Variants in ATP8A2 observed in about 807,000 individuals in gnomAD.
ATP8A2 encodes ATPase phospholipid transporting 8A2, also known as phospholipid-transporting ATPase IB.
In ATP8A2, 100 loss-of-function variants were observed where a neutral mutation model predicts 165.6. That is an observed-to-expected ratio of 0.60 (90% confidence interval 0.51 to 0.71). ATP8A2 has a LOEUF of 0.71. ATP8A2 is among the 30% of genes least tolerant of loss of function. ATP8A2 has a pLI of 0.00. For synonymous variants in ATP8A2, 543 were observed against 548.8 expected (o/e 0.99, Z 0.15); for missense variants, 1,227 against 1,479.5 (o/e 0.83, Z 2.80).
At chr13:25,637,894 C>G (rs1282942272) in intron 24 of ATP8A2, among the ~76,000 whole-genome samples, 2 of 152,134 alleles carry the variant, frequency 1.3e-5, no homozygotes, top group Non-Finnish European at 2.9e-5. Flanking sequence ...GGCCGGGTAC[C>G]CCTCTGAGAC....
chr13:25,757,304 A>C (rs1277767336), intron 25 of ATP8A2, among the ~76,000 whole-genome samples: 1 of 152,180 alleles, frequency 6.6e-6, no homozygotes, highest in East Asian at 1.9e-4. Context: ...CAGTGGACAC[A>C]CGCGTGCTTT....
intron 27 of ATP8A2, among the ~76,000 whole-genome samples, chr13:25,817,662 TC>T (rs1166143283): frequency 6.6e-6 from 1 of 152,056 alleles, no homozygotes; most frequent in Admixed American, 6.6e-5. Flanking sequence ...AAAATTCCAG[TC>T]CTTTTATTCT....
At chr13:25,871,092 C>A in intron 33 of ATP8A2, 1 of 263,930 alleles carries the variant, frequency 3.8e-6, no homozygotes, top group Admixed American at 5.4e-5. Context: ...TTAGAGGCCC[C>A]GCGGCTTTGA....
At chr13:25,729,043 C>T (rs2043557508) in intron 25 of ATP8A2, among the ~76,000 whole-genome samples, 1 of 152,106 alleles carries the variant, frequency 6.6e-6, no homozygotes, top group Non-Finnish European at 1.5e-5. Flanking sequence ...GTCTCTTTCT[C>T]TCCACCTCTC....
rs757980633 is a variant in ATP8A2 at position 25,579,887 on chromosome 13, C to G, written c.1947C>G (p.Ala649=). ...YEEWLKVYQE[A]STILKDRAQR... ...AGTGGCTGAAAGTCTATCAGGAAGC[C>G]AGCACCATATTGAAGGACAGAGCTC... The change falls in exon 22 of 37, where the codon GCC becomes GCG. Residue 649 remains alanine, a synonymous_variant. Transcript: ENST00000381655. 6.2e-7 allele frequency: 1 copy of G among 1,614,000 alleles called. No homozygotes were observed. Among genetic ancestry groups the G allele is most frequent in the Non-Finnish European group, 8.5e-7 (1 of 1,179,974 alleles).
At chr13:25,677,978 A>G (rs1484555789) in intron 24 of ATP8A2, among the ~76,000 whole-genome samples, 2 of 152,208 alleles carry the variant, frequency 1.3e-5, no homozygotes, top group Non-Finnish European at 1.5e-5. Context: ...TGAGGCAAGT[A>G]ATACCTTTAC....
chr13:25,712,663 A>G (rs1018485844), intron 25 of ATP8A2, among the ~76,000 whole-genome samples: 7 of 152,272 alleles, frequency 4.6e-5, no homozygotes, highest in African/African-American at 9.6e-5. Flanking sequence ...GACAAAAGAC[A>G]TAATAAAAGC....
chr13:25,628,021 A>G (rs1031296776), intron 24 of ATP8A2, among the ~76,000 whole-genome samples: 2 of 152,200 alleles, frequency 1.3e-5, no homozygotes, highest in African/African-American at 4.8e-5. Flanking sequence ...TTGAGAAGCC[A>G]TGTTATCCAT....
At chr13:25,762,350 A>C (rs866960494) in intron 25 of ATP8A2, among the ~76,000 whole-genome samples, 2 of 151,422 alleles carry the variant, frequency 1.3e-5, no homozygotes, top group African/African-American at 4.8e-5. Context: ...AAATAGAATC[A>C]AGACCACTAG....
intron 25 of ATP8A2, among the ~76,000 whole-genome samples, chr13:25,755,323 G>A (rs2138215914): frequency 6.6e-6 from 1 of 152,256 alleles, no homozygotes; most frequent in South Asian, 2.1e-4. Flanking sequence ...TACTGACCCT[G>A]CCAAAGTTCC....
At chr13:25,966,525 A>G (rs1327135765) in intron 34 of ATP8A2, among the ~76,000 whole-genome samples, 3 of 152,234 alleles carry the variant, frequency 2.0e-5, no homozygotes, top group South Asian at 2.1e-4. Context: ...TGTTAAATGC[A>G]TGCAGAAAGA....
chr13:25,402,976 T>C (rs753793048), intron 1 of ATP8A2, among the ~76,000 whole-genome samples: 3 of 152,144 alleles, frequency 2.0e-5, no homozygotes, highest in South Asian at 2.1e-4. Flanking sequence ...ATGCAAGAGA[T>C]AGAAAGGAAA....
intron 1 of ATP8A2, among the ~76,000 whole-genome samples, chr13:25,446,537 C>T (rs1435419231): frequency 1.4e-5 from 2 of 140,814 alleles, no homozygotes; most frequent in Non-Finnish European, 3.2e-5. Flanking sequence ...GGAACCACGC[C>T]CGCAGTACAT....
intron 24 of ATP8A2, among the ~76,000 whole-genome samples, chr13:25,638,353 C>A (rs2041425841): frequency 6.6e-6 from 1 of 152,058 alleles, no homozygotes; most frequent in Admixed American, 6.5e-5. Flanking sequence ...AAGCTAAAAA[C>A]CTTGAAAAAA....
intron 33 of ATP8A2, among the ~76,000 whole-genome samples, chr13:25,917,478 G>A (rs1954302204): frequency 6.6e-6 from 1 of 152,216 alleles, no homozygotes; most frequent in Non-Finnish European, 1.5e-5. Context: ...GGTTTTTATA[G>A]TCTGCATCTT....
chr13:25,653,227 C>T (rs1308029374), intron 24 of ATP8A2, among the ~76,000 whole-genome samples: 1 of 152,096 alleles, frequency 6.6e-6, no homozygotes, highest in East Asian at 1.9e-4. Flanking sequence ...CCTTTCCAGA[C>T]TGGATAAAGG....
intron 36 of ATP8A2, among the ~76,000 whole-genome samples, chr13:26,016,564 T>C (rs1023559816): frequency 6.6e-6 from 1 of 152,168 alleles, no homozygotes; most frequent in Non-Finnish European, 1.5e-5. Flanking sequence ...GCACCTTCCA[T>C]TTGAACAGGG....
intron 33 of ATP8A2, among the ~76,000 whole-genome samples, chr13:25,874,832 A>T (rs556122316): frequency 6.6e-6 from 1 of 152,334 alleles, no homozygotes; most frequent in East Asian, 1.9e-4. Flanking sequence ...GTTAGAAGAT[A>T]CATGGATGAA....
chr13:25,593,416 G>C lies in ATP8A2; in HGVS notation c.2211+3717G>C, dbSNP rs1263413816. Among the ~76,000 whole-genome samples the C allele has an allele frequency of 2.6e-5, 4 of 152,136 alleles. No individual in the cohort carries two copies. In the East Asian group the frequency reaches 5.8e-4, roughly 22 times the overall value. ...CAATTAGGATTTATGTCTGTGTTTT[G>C]AGTTTGTCATATGCTGCCAAAATAA... On this transcript the variant is annotated intron_variant, in intron 24 of 36. Transcript: ENST00000381655.
Sources: gnomAD v4.1 joint callset for allele counts (sites outside exome capture counted in the v4.1 genomes callset) on GRCh38, gnomAD v4.1.1 for gene constraint, MANE v1.5 for transcripts, NCBI Gene and HGNC (gene_info 2026-07-23, HGNC 2026-07-21) for gene names.